Variants in NCOA1 observed in about 807,000 individuals in gnomAD.
NCOA1 encodes the protein Hin-2 protein.
In NCOA1, 35 loss-of-function variants were observed where a neutral mutation model predicts 150.9. That is an observed-to-expected ratio of 0.23 (90% CI 0.18 to 0.31). NCOA1 has a LOEUF of 0.31. Ranked by LOEUF, NCOA1 falls within the 10% of genes least tolerant of loss-of-function variation. The pLI, the probability that NCOA1 is intolerant of heterozygous loss-of-function variation, is 1.00. For synonymous variants in NCOA1, 590 were observed against 630.0 expected, an observed-to-expected ratio of 0.94 and a Z score of 0.95; for missense variants, 1,491 against 1,749.3, an observed-to-expected ratio of 0.85 and a Z score of 2.63.
intron 4 of NCOA1, among the ~76,000 whole-genome samples, chr2:24,656,525 A>G (rs1377503301): frequency 6.6e-6 from 1 of 152,198 alleles, no homozygotes; most frequent in Non-Finnish European, 1.5e-5. Flanking sequence ...ATTGTTGTTA[A>G]TTATAGTTAC....
rs1385827111 is a variant in NCOA1, at chr2:24,757,361, A to G, written c.3882-612A>G. Among the ~76,000 whole-genome samples the G allele has an allele frequency of 3.9e-5, 6 of 152,190 alleles. No individual in the cohort carries two copies. The East Asian group carries it at 5.8e-4, about 15-fold the overall frequency. ...TTTAATAGAAAACAATCTGAACTGC[A>G]CCATTTGACAGCACCGAATAATAAT... On this transcript the variant is annotated intron_variant, in intron 20 of 22. Coordinates refer to ENST00000348332, the MANE Select transcript of NCOA1 (RefSeq NM_003743.5).
intron 20 of NCOA1, among the ~76,000 whole-genome samples, chr2:24,756,793 A>C (rs536987810): frequency 6.6e-6 from 1 of 152,336 alleles, no homozygotes; most frequent in Admixed American, 6.5e-5. Context: ...TGTCAAGTTG[A>C]ATTCCCATGG....
At chr2:24,706,500 T>A in intron 12 of NCOA1, 68 bp from the exon 13 acceptor site, 6 of 1,460,460 alleles carry the variant, frequency 4.1e-6, no homozygotes, top group Non-Finnish European at 5.5e-6. Context: ...TTTTAGAATA[T>A]GTATCATAAA....
chr2:24,583,652 C>T (rs1667288984), intron 2 of NCOA1, among the ~76,000 whole-genome samples: 1 of 152,032 alleles, frequency 6.6e-6, no homozygotes, highest in Non-Finnish European at 1.5e-5. Flanking sequence ...AAATATCTAT[C>T]AACAGATGAA....
chr2:24,655,513 C>T (rs1670899183), intron 4 of NCOA1, among the ~76,000 whole-genome samples: 3 of 152,140 alleles, frequency 2.0e-5, no homozygotes, highest in Non-Finnish European at 4.4e-5. Flanking sequence ...TAGGTGAGAG[C>T]AGATGCAAAC....
chr2:24,767,960 C>A, intron 22 of NCOA1: 1 of 927,680 alleles, frequency 1.1e-6, no homozygotes, highest in Non-Finnish European at 1.7e-6. Flanking sequence ...ATGATACTCA[C>A]TTTCAGTATT....
In NCOA1 at chr2:24,713,761, T is replaced by G. The variant is rs534427913; in HGVS notation, c.2599+2650T>G. 8.0e-4 allele frequency among the ~76,000 whole-genome samples: 122 copies of G among 152,208 alleles called. 1 individual carries two copies. Among genetic ancestry groups the G allele is most frequent in the African/African-American group, 2.8e-3 (116 of 41,540 alleles). On this transcript the variant is annotated intron_variant, in intron 14 of 22. Transcript: ENST00000348332. ...TCTTGGAGATGTTTACCAAACCAAG[T>G]ACAGGTAGGAGGAACCCAAAATAAG... is the stretch of plus-strand genomic sequence containing the variant.
intron 2 of NCOA1, among the ~76,000 whole-genome samples, chr2:24,568,547 G>A (rs951330254): frequency 6.6e-6 from 1 of 152,138 alleles, no homozygotes; most frequent in African/African-American, 2.4e-5. Flanking sequence ...AGAATGAAAT[G>A]TGTGTGAAAT....
chr2:24,497,488 A>G (rs576456966), intron 1 of NCOA1, among the ~76,000 whole-genome samples: 6 of 152,112 alleles, frequency 3.9e-5, no homozygotes, highest in Non-Finnish European at 8.8e-5. Context: ...CCTGGCCAAT[A>G]TGGTGACACC....
chr2:24,753,873 T>G (rs1016418409), intron 20 of NCOA1, among the ~76,000 whole-genome samples: 1 of 152,206 alleles, frequency 6.6e-6, no homozygotes, highest in Non-Finnish European at 1.5e-5. Context: ...AACACCATAC[T>G]CTATATTCAG....
chr2:24,546,696 G>A (rs1665617807), intron 1 of NCOA1, among the ~76,000 whole-genome samples: 1 of 152,130 alleles, frequency 6.6e-6, no homozygotes, highest in African/African-American at 2.4e-5. Flanking sequence ...ACAATTCTGG[G>A]GATCAGGAGT....
At chr2:24,589,432 G>A (rs1409714394) in intron 3 of NCOA1, among the ~76,000 whole-genome samples, 5 of 151,986 alleles carry the variant, frequency 3.3e-5, no homozygotes, top group Admixed American at 6.6e-5. Context: ...TACCTTTCCC[G>A]TACTACTTTA....
Position 24,563,041 on chromosome 2 carries a change from C to T in NCOA1, c.-395-1254C>T, listed in dbSNP as rs1033686136. On this transcript the variant is annotated intron_variant, in intron 1 of 22. Transcript: ENST00000348332. Reference sequence around the variant, plus strand: ...ATCCTTCGCTCTAAAGCATTATTTTCGAAAGCCAGATTTAGCCCAGTGGTT... The same window carrying T: ...ATCCTTCGCTCTAAAGCATTATTTTTGAAAGCCAGATTTAGCCCAGTGGTT... Among the ~76,000 whole-genome samples the T allele has an allele frequency of 1.2e-4, 18 of 152,252 alleles. No individual in the cohort carries two copies. The East Asian group carries it at 2.5e-3, about 21-fold the overall frequency.
At chr2:24,658,581 A>C in intron 4 of NCOA1, 80 bp from the exon 5 acceptor site, 1 of 998,578 alleles carries the variant, frequency 1.0e-6, no homozygotes, top group Non-Finnish European at 1.6e-6. Context: ...GAAATTTTCT[A>C]ACAGAGGGGA....
intron 13 of NCOA1, among the ~76,000 whole-genome samples, chr2:24,708,457 G>T (rs1056433169): frequency 3.3e-5 from 5 of 152,054 alleles, no homozygotes; most frequent in African/African-American, 1.2e-4. Flanking sequence ...TGAAACAGAC[G>T]TAAATAAAGA....
intron 4 of NCOA1, among the ~76,000 whole-genome samples, chr2:24,658,171 C>T (rs1345954740): frequency 1.3e-5 from 2 of 152,190 alleles, no homozygotes; most frequent in African/African-American, 4.8e-5. Flanking sequence ...TAGTTTATCA[C>T]TTTAACTTAA....
intron 3 of NCOA1, among the ~76,000 whole-genome samples, chr2:24,614,640 A>T (rs1668794039): frequency 6.6e-6 from 1 of 152,128 alleles, no homozygotes; most frequent in Non-Finnish European, 1.5e-5. Flanking sequence ...TTTTCAAAAG[A>T]ATAGTTTCTA....
intron 22 of NCOA1, chr2:24,767,905 C>T: frequency 3.5e-6 from 2 of 574,824 alleles, no homozygotes; most frequent in Non-Finnish European, 6.2e-6. Flanking sequence ...CACTGGATAC[C>T]CAGACTCTGA....
intron 8 of NCOA1, among the ~76,000 whole-genome samples, chr2:24,691,256 C>T (rs2119120): frequency 0.84 from 127,913 of 152,182 alleles, 54,639 homozygotes; most frequent in East Asian, 0.99. Flanking sequence ...GAAGATCATA[C>T]GTATTTTCTT....
Sources: allele counts gnomAD v4.1 joint callset (sites outside exome capture counted in the v4.1 genomes callset), GRCh38; gene constraint gnomAD v4.1.1; transcripts MANE v1.5; gene names NCBI Gene and HGNC (gene_info 2026-07-23, HGNC 2026-07-21).